Variants in MAP1B observed in about 807,000 individuals in gnomAD.
The protein encoded by MAP1B is microtubule associated protein 1B, also known as microtubule-associated protein 1B.
Under a neutral mutation model 176.1 loss-of-function variants are expected in MAP1B, and 12 were observed. That is an observed-to-expected ratio of 0.07 (90% CI 0.04 to 0.11). The LOEUF (loss-of-function observed/expected upper bound fraction) is 0.11, where lower values mean the gene tolerates loss of function less well. Ranked by LOEUF, MAP1B falls within the 10% of genes least tolerant of loss-of-function variation. The probability of loss-of-function intolerance (pLI) is 1.00; values close to 1 mark genes in which losing one functional copy is unlikely to be tolerated. For missense variants in MAP1B, 2,523 were observed against 2,990.5 expected, an observed-to-expected ratio of 0.84 and a Z score of 3.65; for synonymous variants, 1,044 against 1,135.0, an observed-to-expected ratio of 0.92 and a Z score of 1.61.
At chr5:72,185,345 G>C (rs1425141948) in intron 3 of MAP1B, among the ~76,000 whole-genome samples, 1 of 152,200 alleles carries the variant, frequency 6.6e-6, no homozygotes, top group Non-Finnish European at 1.5e-5. Flanking sequence ...AGCAATCTCT[G>C]TTACTAACAG....
In MAP1B at chr5:72,186,879, A is replaced by T. The variant is rs868675048; in HGVS notation, c.510+125A>T. The T allele has an allele frequency of 2.3e-5, 25 of 1,065,530 alleles. No homozygotes were observed. The African/African-American group carries it at 3.2e-4, about 13-fold the overall frequency. The allele number at this position is 1,065,530 out of a possible 1,614,324, so 66.0% of individuals were successfully genotyped here. On this transcript the variant is annotated intron_variant, in intron 4 of 6. Coordinates refer to ENST00000296755, the MANE Select transcript of MAP1B (RefSeq NM_005909.5). The surrounding 1 kb of genome is among the most constrained non-coding windows in gnomAD (Gnocchi z 4.3). ...CTCACAGCTCTCCTGAAATAAGCAA[A>T]ACTGCATGATCCAAAATACTTTATT... is the stretch of plus-strand genomic sequence containing the variant.
chr5:72,154,176 C>T (rs543899424), intron 2 of MAP1B, among the ~76,000 whole-genome samples: 1 of 152,230 alleles, frequency 6.6e-6, no homozygotes, highest in South Asian at 2.1e-4. Context: ...GTGTCTATCA[C>T]AGTGAAGTTG....
intron 1 of MAP1B, among the ~76,000 whole-genome samples, chr5:72,108,323 G>T (rs1269459137): frequency 6.6e-6 from 1 of 151,918 alleles, no homozygotes; most frequent in Non-Finnish European, 1.5e-5. Flanking sequence ...CTGGGATGCA[G>T]AACCGCCTGC....
At chr5:72,127,407 A>G (rs571875093) in intron 2 of MAP1B, among the ~76,000 whole-genome samples, 1 of 152,326 alleles carries the variant, frequency 6.6e-6, no homozygotes, top group East Asian at 1.9e-4. Context: ...TATATCTTTG[A>G]ATGGCTGTTG....
chr5:72,129,556 T>A (rs568248231), intron 2 of MAP1B, among the ~76,000 whole-genome samples: 7 of 140,924 alleles, frequency 5.0e-5, no homozygotes, highest in Non-Finnish European at 9.4e-5. Flanking sequence ...GACTCCGTCC[T>A]AAAAAAAAAA....
chr5:72,175,819 G>T (rs1427420445), intron 2 of MAP1B, among the ~76,000 whole-genome samples: 2 of 152,128 alleles, frequency 1.3e-5, no homozygotes, highest in Non-Finnish European at 2.9e-5. Flanking sequence ...AGAAAATTAG[G>T]TATAGACTCA....
intron 2 of MAP1B, among the ~76,000 whole-genome samples, chr5:72,159,193 GA>G (rs1323544083): frequency 2.0e-5 from 3 of 151,516 alleles, no homozygotes; most frequent in Non-Finnish European, 2.9e-5. Context: ...AAGACTGGAA[GA>G]AAAAAAACAG....
At chr5:72,150,680 G>A (rs1746124192) in intron 2 of MAP1B, among the ~76,000 whole-genome samples, 1 of 152,130 alleles carries the variant, frequency 6.6e-6, no homozygotes, top group Non-Finnish European at 1.5e-5. Flanking sequence ...AGGCCCCAGT[G>A]CGTGTTGTTC....
chr5:72,168,640 G>A (rs1561402), intron 2 of MAP1B, among the ~76,000 whole-genome samples: 48,796 of 152,042 alleles, frequency 0.32, 8,676 homozygotes, highest in Non-Finnish European at 0.41. Context: ...TTTCCCCAAA[G>A]TCCCCAGATT....
rs762090587 is a variant in MAP1B at position 72,198,281 on chromosome 5, G to C, written c.4926G>C (p.Gln1642His). 1.2e-6 allele frequency: 2 copies of C among 1,614,242 alleles called. No individual in the cohort carries two copies. The highest frequency in any genetic ancestry group is 4.5e-5 in the East Asian group (2 of 44,888). ...CCGTTCAAGATCACAGATCTGAACA[G>C]TCCTCAATGTCTATTGAATTTGGCC... is the stretch of plus-strand genomic sequence containing the variant. ...RTPVQDHRSE[Q>H]SSMSIEFGQE... Residue 1642 changes from glutamine (Q) to histidine (H), a missense_variant, in exon 5 of 7, where the codon CAG (glutamine) becomes CAC (histidine). By Grantham distance (24) the Gln-to-His change is conservative (BLOSUM62 0). Coordinates refer to ENST00000296755, the MANE Select transcript of MAP1B (RefSeq NM_005909.5).
chr5:72,190,394 C>G (rs1471892426), intron 4 of MAP1B, among the ~76,000 whole-genome samples: 1 of 152,216 alleles, frequency 6.6e-6, no homozygotes, highest in African/African-American at 2.4e-5. Flanking sequence ...TGACTGTCAA[C>G]TAAAATCCCT....
intron 2 of MAP1B, among the ~76,000 whole-genome samples, chr5:72,128,820 A>G (rs1038480536): frequency 1.2e-4 from 18 of 152,148 alleles, no homozygotes; most frequent in African/African-American, 3.6e-4. Flanking sequence ...TTATATTTTC[A>G]TTTTTAAATT....
chr5:72,114,355 C>T (rs1745396699), intron 1 of MAP1B, among the ~76,000 whole-genome samples: 1 of 152,066 alleles, frequency 6.6e-6, no homozygotes, highest in Non-Finnish European at 1.5e-5. Context: ...GCTATTTATT[C>T]CTTCAAGTCT....
At chr5:72,155,044 G>A (rs892374946) in intron 2 of MAP1B, among the ~76,000 whole-genome samples, 21 of 152,218 alleles carry the variant, frequency 1.4e-4, no homozygotes, top group African/African-American at 4.6e-4. Flanking sequence ...AAGCCCAGAC[G>A]TTCTGGTGAG....
chr5:72,178,054 G>C lies in MAP1B; in HGVS notation c.287-5689G>C, dbSNP rs146984296. ...GTCTCACTCTGTTGCCCAGGCCGGA[G>C]TGCAATGGCATGATCTCAGCTCACT... On this transcript the variant is annotated intron_variant, in intron 2 of 6. Transcript: ENST00000296755. Among the ~76,000 whole-genome samples, 197 of 152,162 alleles carry C rather than the reference G, an allele frequency of 1.3e-3. 5 individuals carry two copies. The East Asian group carries it at 0.033, about 26-fold the overall frequency.
intron 2 of MAP1B, among the ~76,000 whole-genome samples, chr5:72,163,713 T>C (rs2112183318): frequency 6.6e-6 from 1 of 152,252 alleles, no homozygotes; most frequent in East Asian, 1.9e-4. Context: ...AGGGTGAATG[T>C]GTGGATACCT....
At chr5:72,183,408 A>T (rs1746819911) in intron 2 of MAP1B, among the ~76,000 whole-genome samples, 1 of 152,192 alleles carries the variant, frequency 6.6e-6, no homozygotes, top group Non-Finnish European at 1.5e-5. Flanking sequence ...AGGAAATGTC[A>T]AGAGCCCCGT....
chr5:72,207,801 A>G lies in MAP1B; in HGVS notation c.*2562A>G, dbSNP rs2111907814. On this transcript the variant is annotated 3_prime_UTR_variant, in exon 7 of 7. Coordinates refer to ENST00000296755, the MANE Select transcript of MAP1B (RefSeq NM_005909.5). ...CTTGCCAAATCCAGACCTCTGGTTGATTTTTCTTTGACAGAAGATGCAAGT... is the reference window on the plus strand; with the variant it reads ...CTTGCCAAATCCAGACCTCTGGTTGGTTTTTCTTTGACAGAAGATGCAAGT... The G allele has an allele frequency of 6.6e-6, 1 of 152,254 alleles. No homozygotes were observed. The highest frequency in any genetic ancestry group is 1.5e-5 in the Non-Finnish European group (1 of 68,026). The allele number at this position is 152,254 out of a possible 1,614,324, so 9.4% of individuals were successfully genotyped here.
intron 2 of MAP1B, among the ~76,000 whole-genome samples, chr5:72,128,077 C>A (rs1195356895): frequency 6.6e-6 from 1 of 152,116 alleles, no homozygotes; most frequent in Non-Finnish European, 1.5e-5. Context: ...GTTCAAGAGA[C>A]ATGCATTCAG....
Sources: gnomAD v4.1 joint callset for allele counts (sites outside exome capture counted in the v4.1 genomes callset) on GRCh38, gnomAD v4.1.1 for gene constraint, Gnocchi (gnomAD v3.1) non-coding constraint, MANE v1.5 for transcripts, NCBI Gene and HGNC (gene_info 2026-07-23, HGNC 2026-07-21) for gene names.